The following SYT7 variants were observed in gnomAD, a reference collection of about 807,000 sequenced individuals.
The protein encoded by SYT7 is synaptotagmin 7, also known as synaptotagmin-7.
Under a neutral mutation model 75.1 loss-of-function variants are expected in SYT7, and 29 were observed. The observed-to-expected ratio is 0.39, with a 90% confidence interval of 0.29 to 0.53. The LOEUF (loss-of-function observed/expected upper bound fraction) is 0.53. Among genes scored for constraint, SYT7 ranks in the 20% least tolerant of loss-of-function variants. The pLI is 0.77. For missense variants in SYT7, 693 were observed against 953.2 expected (o/e 0.73, Z 3.59); for synonymous variants, 376 against 401.7 (o/e 0.94, Z 0.76).
chr11:61,542,303 C>G lies in SYT7; in HGVS notation c.849G>C (p.Arg283=), dbSNP rs1357500778. The G allele has an allele frequency of 4.6e-6, 7 of 1,534,034 alleles. No individual in the cohort carries two copies. Among genetic ancestry groups the G allele is most frequent in the Middle Eastern group, 1.7e-4 (1 of 5,918 alleles). ...TGGAGCGGCTGCGGCCCCCTGCCGC[C>G]CGGTACTTGGAGCCGGCCGAGGTGC... is the stretch of plus-strand genomic sequence containing the variant. ...RQGTSAGSKY[R]AAGGRSRSNP... is the part of the protein sequence containing the mutation. Residue 283 remains arginine (R), a synonymous_variant, in exon 6 of 13, where the codon CGG becomes CGC. Transcript: ENST00000539008. The surrounding 1 kb of genome is among the most constrained non-coding windows in gnomAD (Gnocchi z 7.8).
At chr11:61,575,816 T>C (rs1183049993) in intron 1 of SYT7, among the ~76,000 whole-genome samples, 1 of 152,170 alleles carries the variant, frequency 6.6e-6, no homozygotes, top group Non-Finnish European at 1.5e-5. Flanking sequence ...TAAGCACAGA[T>C]ATTATGGCCA....
chr11:61,546,906 G>T lies in SYT7; in HGVS notation c.347+271C>A, dbSNP rs952437608. Among the ~76,000 whole-genome samples the T allele has an allele frequency of 3.9e-5, 6 of 152,078 alleles. No homozygotes were observed. The highest frequency in any genetic ancestry group is 7.2e-5 in the African/African-American group (3 of 41,418). The stretch of plus-strand genomic sequence containing the variant: ...GTGGGGTGGGCCCCGGGACCAGCTG[G>T]GGGGGCCAGGTATGGCTGCCGAGGG... On this transcript the variant is annotated intron_variant, in intron 4 of 12. Transcript: ENST00000539008. This position sits in a 1 kb window ranked among gnomAD's most constrained non-coding sequence, Gnocchi z 7.6.
intron 4 of SYT7, 138 bp downstream of exon 4, chr11:61,547,039 A>G: frequency 9.2e-7 from 1 of 1,092,494 alleles, no homozygotes; most frequent in Non-Finnish European, 1.3e-6. Context: ...CATGGGGTGG[A>G]TGGGTGGGGA....
At chr11:61,545,471 G>A (rs2063157368) in intron 5 of SYT7, among the ~76,000 whole-genome samples, 1 of 152,196 alleles carries the variant, frequency 6.6e-6, no homozygotes, top group South Asian at 2.1e-4. Context: ...CTGCTCGTGA[G>A]TGGCTTCCAC....
chr11:61,518,864 C>T (rs2062221538), intron 12 of SYT7, 133 bp from the exon 13 acceptor site: 1 of 541,602 alleles, frequency 1.8e-6, no homozygotes, highest in South Asian at 3.7e-5. Flanking sequence ...GCTGTGACAA[C>T]CTACCCCACA....
At position 61,516,940 on chromosome 11, in the gene SYT7, G is replaced by A. The variant is rs573954540; in HGVS notation, c.*1687C>T. On this transcript the variant is annotated 3_prime_UTR_variant, in exon 13 of 13. Coordinates refer to ENST00000539008, the MANE Select transcript of SYT7 (RefSeq NM_001365809.2). The surrounding 1 kb of genome is among the most constrained non-coding windows in gnomAD (Gnocchi z 4.6). ...GCAAGCAGAATGCTCAGCTCAAGGG[G>A]AAGCCGTTCGAAGGAAAATGGTTCC... The A allele has an allele frequency of 3.8e-6, 1 of 261,772 alleles. No individual in the cohort carries two copies. The highest frequency in any genetic ancestry group is 7.2e-6 in the Non-Finnish European group (1 of 139,540). 16.2% of individuals were successfully genotyped at this position (261,772 alleles called of 1,614,324 possible).
At chr11:61,532,622 C>T (rs752695747) in intron 8 of SYT7, among the ~76,000 whole-genome samples, 2 of 152,184 alleles carry the variant, frequency 1.3e-5, no homozygotes, top group African/African-American at 2.4e-5. Flanking sequence ...GAGTCCTCTG[C>T]CCACCAGCCT....
chr11:61,536,134 G>C (rs759444946), intron 7 of SYT7, among the ~76,000 whole-genome samples: 1 of 152,062 alleles, frequency 6.6e-6, no homozygotes, highest in Non-Finnish European at 1.5e-5. Flanking sequence ...TGGGCATGAC[G>C]AGGTGGGAAT....
chr11:61,568,275 G>C (rs1159020253), intron 1 of SYT7, among the ~76,000 whole-genome samples: 1 of 152,178 alleles, frequency 6.6e-6, no homozygotes, highest in African/African-American at 2.4e-5. Context: ...GGGTTGTAGA[G>C]ATTCTCCCCC....
At chr11:61,537,952 C>T (rs2062916865) in intron 7 of SYT7, among the ~76,000 whole-genome samples, 192 bp downstream of exon 7, 1 of 152,162 alleles carries the variant, frequency 6.6e-6, no homozygotes, top group African/African-American at 2.4e-5. Context: ...CGCAAGTGGC[C>T]TCAGACCCCA....
At chr11:61,567,881 T>C (rs1590942898) in intron 1 of SYT7, among the ~76,000 whole-genome samples, 1 of 152,238 alleles carries the variant, frequency 6.6e-6, no homozygotes, top group Non-Finnish European at 1.5e-5. Context: ...CACTCCAGCC[T>C]GTCTGACTGC....
At chr11:61,548,092 T>C (rs1360793065) in intron 3 of SYT7, among the ~76,000 whole-genome samples, 1 of 152,204 alleles carries the variant, frequency 6.6e-6, no homozygotes, top group Non-Finnish European at 1.5e-5. Flanking sequence ...TCTCTACTCC[T>C]TGCAAATGTG....
At chr11:61,561,314 A>T (rs2063630752) in intron 1 of SYT7, among the ~76,000 whole-genome samples, 1 of 152,236 alleles carries the variant, frequency 6.6e-6, no homozygotes, top group African/African-American at 2.4e-5. Context: ...AGGCAGAGCC[A>T]GATCTCCTAG....
At chr11:61,527,771 G>T in intron 9 of SYT7, 144 bp downstream of exon 9, 2 of 963,174 alleles carry the variant, frequency 2.1e-6, no homozygotes, top group Non-Finnish European at 3.2e-6. Context: ...AAGTGTATCT[G>T]CTTGCATGTG....
In SYT7 at chr11:61,546,315, G is replaced by C; in HGVS notation, c.348-60C>G. ...GCACCGGGGGTGGCGGTGGGGGAGA[G>C]AGGGCAGGCCATACGTGGGGGTCGG... On this transcript the variant is annotated intron_variant, in intron 4 of 12. Transcript: ENST00000539008. The surrounding 1 kb of genome is among the most constrained non-coding windows in gnomAD (Gnocchi z 7.6). 2.4e-6 allele frequency: 3 copies of C among 1,229,346 alleles called. No homozygotes were observed. Among genetic ancestry groups the C allele is most frequent in the Non-Finnish European group, 3.2e-6 (3 of 927,758 alleles). The allele number at this position is 1,229,346 out of a possible 1,614,324, so 76.2% of individuals were successfully genotyped here. A position where few individuals can be genotyped will look rare whatever the true frequency, so the allele number is the denominator to read the frequency against.
At chr11:61,573,824 T>C (rs1421484836) in intron 1 of SYT7, among the ~76,000 whole-genome samples, 1 of 152,152 alleles carries the variant, frequency 6.6e-6, no homozygotes, top group Non-Finnish European at 1.5e-5. Context: ...ATGGCAAAGC[T>C]CTTATTCTTC....
intron 8 of SYT7, among the ~76,000 whole-genome samples, chr11:61,532,531 G>C (rs1055869180): frequency 6.6e-6 from 1 of 152,152 alleles, no homozygotes; most frequent in Admixed American, 6.5e-5. Context: ...ATGGGAATGG[G>C]GCAGGTCACT....
the SYT7 span, among the ~76,000 whole-genome samples, chr11:61,587,480 G>A: frequency 1.3e-5 from 2 of 152,250 alleles, no homozygotes; most frequent in Admixed American, 1.3e-4. Context: ...GAAGTCCAGG[G>A]TTCAGGCCTT....
chr11:61,533,433 T>C (rs2062771465), intron 7 of SYT7: 6 of 985,324 alleles, frequency 6.1e-6, no homozygotes, highest in African/African-American at 1.7e-5. Flanking sequence ...TTGGCTTGCA[T>C]AGTCGGTCTC....
Sources: allele counts gnomAD v4.1 joint callset (sites outside exome capture counted in the v4.1 genomes callset), GRCh38; gene constraint gnomAD v4.1.1; non-coding constraint Gnocchi (gnomAD v3.1); transcripts MANE v1.5; gene names NCBI Gene and HGNC (gene_info 2026-07-23, HGNC 2026-07-21).